Variants in IPCEF1 observed in about 807,000 individuals in gnomAD.
The protein encoded by IPCEF1 is interaction protein for cytohesin exchange factors 1, also known as interactor protein for cytohesin exchange factors 1.
IPCEF1 carries 31 observed loss-of-function variants against 50.9 expected under a neutral mutation model. The ratio of observed to expected loss-of-function variants is 0.61; its 90% confidence interval spans 0.46 to 0.82. IPCEF1 has a LOEUF of 0.82. Among genes scored for constraint, IPCEF1 ranks in the 40% least tolerant of loss-of-function variants. The pLI is 0.00. For missense variants in IPCEF1, 458 were observed against 514.0 expected, an observed-to-expected ratio of 0.89 and a Z score of 1.05; for synonymous variants, 181 against 192.0, an observed-to-expected ratio of 0.94 and a Z score of 0.47.
In IPCEF1 at chr6:154,168,183, C is replaced by T. The variant is rs1799584543; in HGVS notation, c.911-70G>A. 4 of 1,212,004 alleles carry T rather than the reference C, an allele frequency of 3.3e-6. No individual in the cohort carries two copies. The highest frequency in any genetic ancestry group is 2.3e-5 in the Admixed American group (1 of 44,218). The allele number at this position is 1,212,004 out of a possible 1,614,324, so 75.1% of individuals were successfully genotyped here. On this transcript the variant is annotated intron_variant, in intron 10 of 11. Coordinates refer to ENST00000367220, the MANE Select transcript of IPCEF1 (RefSeq NM_001130700.2). This position sits in a 1 kb window ranked among gnomAD's most constrained non-coding sequence, Gnocchi z 4.1. ...AAAATCAAGGAGAGAACATTCAATACTGTGGTCCCAAGGCACGGCCCCACT... is the reference window on the plus strand; with the variant it reads ...AAAATCAAGGAGAGAACATTCAATATTGTGGTCCCAAGGCACGGCCCCACT...
At chr6:154,303,766 T>A (rs572813137) in intron 1 of IPCEF1, among the ~76,000 whole-genome samples, 1 of 151,920 alleles carries the variant, frequency 6.6e-6, no homozygotes, top group East Asian at 1.9e-4. Flanking sequence ...TGCAAAAAAA[T>A]TAAAAAATTA....
At chr6:154,299,724 C>A (rs1407997285) in intron 1 of IPCEF1, among the ~76,000 whole-genome samples, 1 of 140,468 alleles carries the variant, frequency 7.1e-6, no homozygotes, top group Non-Finnish European at 1.6e-5. Context: ...AACCAACCTG[C>A]ACATCCTGCA....
intron 10 of IPCEF1, among the ~76,000 whole-genome samples, chr6:154,198,231 A>C (rs1776780274): frequency 6.6e-6 from 1 of 152,186 alleles, no homozygotes; most frequent in South Asian, 2.1e-4. Flanking sequence ...TGCACCATTG[A>C]ACTCAATTCT....
intron 10 of IPCEF1, among the ~76,000 whole-genome samples, chr6:154,178,247 C>T (rs192422621): frequency 6.6e-6 from 1 of 152,082 alleles, no homozygotes; most frequent in Non-Finnish European, 1.5e-5. Flanking sequence ...ATGTAACAAA[C>T]CTGCACGTTG....
chr6:154,319,349 A>C (rs1040875966), intron 1 of IPCEF1, among the ~76,000 whole-genome samples: 18 of 152,196 alleles, frequency 1.2e-4, no homozygotes, highest in African/African-American at 4.3e-4. Context: ...AAATATTTAC[A>C]CATATACATG....
intron 10 of IPCEF1, among the ~76,000 whole-genome samples, chr6:154,177,010 C>A (rs1236616847): frequency 6.6e-6 from 1 of 152,106 alleles, no homozygotes; most frequent in Non-Finnish European, 1.5e-5. Flanking sequence ...TCTGATCTGA[C>A]AAACCTGACA....
intron 2 of IPCEF1, among the ~76,000 whole-genome samples, chr6:154,278,462 G>A (rs552783097): frequency 3.3e-5 from 5 of 152,246 alleles, no homozygotes; most frequent in East Asian, 1.9e-4. Context: ...GAGATCCTCC[G>A]ATCCTAGCCA....
At chr6:154,200,158 T>A in intron 9 of IPCEF1, 118 bp from the exon 10 acceptor site, 1 of 892,916 alleles carries the variant, frequency 1.1e-6, no homozygotes, top group Non-Finnish European at 1.7e-6. Context: ...TGACCAATAA[T>A]AAAAGAGTCA....
chr6:154,342,545 C>CT (rs927438934), intron 1 of IPCEF1, among the ~76,000 whole-genome samples: 1 of 152,068 alleles, frequency 6.6e-6, no homozygotes, highest in African/African-American at 2.4e-5. Context: ...CCTCAGCCTC[C>CT]TGAGTAGCTG....
At chr6:154,262,320 T>C (rs776657775) in intron 3 of IPCEF1, among the ~76,000 whole-genome samples, 10 of 152,244 alleles carry the variant, frequency 6.6e-5, no homozygotes, top group Non-Finnish European at 1.2e-4. Context: ...GTAATGGCTT[T>C]AGGTCGGGAA....
At chr6:154,184,726 G>A (rs1188106529) in intron 10 of IPCEF1, among the ~76,000 whole-genome samples, 1 of 150,644 alleles carries the variant, frequency 6.6e-6, no homozygotes, top group East Asian at 2.0e-4. Flanking sequence ...AGACATGTTA[G>A]CATTGGGAAA....
At chr6:154,268,303 C>A (rs1004113115) in intron 2 of IPCEF1, among the ~76,000 whole-genome samples, 1 of 152,218 alleles carries the variant, frequency 6.6e-6, no homozygotes, top group Non-Finnish European at 1.5e-5. Context: ...GTCCTGTCTG[C>A]TCTTTGGAGT....
intron 2 of IPCEF1, among the ~76,000 whole-genome samples, chr6:154,286,528 T>C (rs1240068988): frequency 6.6e-6 from 1 of 152,230 alleles, no homozygotes; most frequent in Non-Finnish European, 1.5e-5. Flanking sequence ...CAAGACTTTC[T>C]CTTATGTAAA....
intron 5 of IPCEF1, among the ~76,000 whole-genome samples, chr6:154,226,923 G>A (rs1482010178): frequency 3.3e-5 from 5 of 152,144 alleles, no homozygotes; most frequent in African/African-American, 1.2e-4. Flanking sequence ...CTGGCCAGGC[G>A]CAGTGGCTCA....
intron 3 of IPCEF1, among the ~76,000 whole-genome samples, chr6:154,263,042 G>A (rs6903193): frequency 0.95 from 144,496 of 151,890 alleles, 68,768 homozygotes; most frequent in East Asian, 1. Context: ...CCAAAGTGCT[G>A]GGATTACAGG....
chr6:154,200,857 C>T (rs186889861), intron 9 of IPCEF1, among the ~76,000 whole-genome samples: 1 of 152,152 alleles, frequency 6.6e-6, no homozygotes, highest in Admixed American at 6.5e-5. Context: ...GAGAAAACAT[C>T]AAAGCAACAT....
intron 1 of IPCEF1, among the ~76,000 whole-genome samples, chr6:154,304,994 A>G (rs1301290565): frequency 1.3e-5 from 2 of 152,034 alleles, no homozygotes; most frequent in Non-Finnish European, 2.9e-5. Flanking sequence ...CATGCCTGTA[A>G]TCCCAGCTAC....
chr6:154,337,467 G>A (rs1783811578), intron 1 of IPCEF1, among the ~76,000 whole-genome samples: 2 of 152,210 alleles, frequency 1.3e-5, no homozygotes, highest in South Asian at 4.1e-4. Flanking sequence ...CCCAGACCAT[G>A]CAATGACATT....
At chr6:154,216,225 A>G (rs1230372900) in intron 7 of IPCEF1, among the ~76,000 whole-genome samples, 1 of 152,190 alleles carries the variant, frequency 6.6e-6, no homozygotes, top group Non-Finnish European at 1.5e-5. Context: ...TAATAAGAAA[A>G]TGGATAAATA....
Sources: gnomAD v4.1 joint callset for allele counts (sites outside exome capture counted in the v4.1 genomes callset) on GRCh38, gnomAD v4.1.1 for gene constraint, Gnocchi (gnomAD v3.1) non-coding constraint, MANE v1.5 for transcripts, NCBI Gene and HGNC (gene_info 2026-07-23, HGNC 2026-07-21) for gene names.